Variants in AGBL4 observed in about 807,000 individuals in gnomAD.
AGBL4 encodes the protein cytosolic carboxypeptidase 6.
AGBL4 carries 58 observed loss-of-function variants against 66.4 expected under a neutral mutation model. The ratio of observed to expected loss-of-function variants is 0.87; its 90% CI spans 0.71 to 1.09. AGBL4 has a LOEUF of 1.09. Ranked by LOEUF, AGBL4 falls within the 50% of genes least tolerant of loss-of-function variation. The pLI is 0.00. For synonymous variants in AGBL4, 234 were observed against 222.9 expected, an observed-to-expected ratio of 1.05 and a Z score of -0.44; for missense variants, 579 against 631.0, an observed-to-expected ratio of 0.92 and a Z score of 0.88.
chr1:49,123,746 C>G (rs556820003), intron 4 of AGBL4, among the ~76,000 whole-genome samples: 2 of 152,248 alleles, frequency 1.3e-5, no homozygotes, highest in South Asian at 4.1e-4. Flanking sequence ...CTGTGTTTGT[C>G]CTAAGAAACT....
intron 2 of AGBL4, among the ~76,000 whole-genome samples, chr1:49,817,460 ATCT>A (rs767727224): frequency 1.3e-5 from 2 of 152,178 alleles, no homozygotes; most frequent in Non-Finnish European, 2.9e-5. Context: ...AAAAATAGTC[ATCT>A]TCTTTAAGAT....
At chr1:48,707,365 T>C (rs1338933783) in intron 6 of AGBL4, among the ~76,000 whole-genome samples, 2 of 151,932 alleles carry the variant, frequency 1.3e-5, no homozygotes, top group African/African-American at 4.8e-5. Context: ...TAAGAAGAAA[T>C]TAACCAGCAC....
At chr1:49,166,769 A>G (rs1646642804) in intron 4 of AGBL4, among the ~76,000 whole-genome samples, 2 of 152,282 alleles carry the variant, frequency 1.3e-5, no homozygotes, top group South Asian at 4.1e-4. Flanking sequence ...CTTTTACTTC[A>G]TAATTACATA....
intron 4 of AGBL4, among the ~76,000 whole-genome samples, chr1:49,126,398 C>G (rs543679678): frequency 6.6e-6 from 1 of 152,098 alleles, no homozygotes; most frequent in Non-Finnish European, 1.5e-5. Flanking sequence ...AACAGTCCTA[C>G]AACCTAAAAC....
At chr1:49,870,480 C>T (rs1026947721) in intron 1 of AGBL4, among the ~76,000 whole-genome samples, 5 of 149,714 alleles carry the variant, frequency 3.3e-5, no homozygotes, top group Admixed American at 2.7e-4. Flanking sequence ...TGGATTGAGG[C>T]GATGAGTGCC....
At chr1:49,376,041 A>G (rs530627720) in intron 3 of AGBL4, among the ~76,000 whole-genome samples, 2 of 152,270 alleles carry the variant, frequency 1.3e-5, no homozygotes, top group African/African-American at 4.8e-5. Context: ...CTGCCTGTAT[A>G]TTGTATGAAA....
chr1:49,253,893 T>C (rs1652269141), intron 3 of AGBL4, among the ~76,000 whole-genome samples: 1 of 152,146 alleles, frequency 6.6e-6, no homozygotes, highest in African/African-American at 2.4e-5. Context: ...ATTCATCACA[T>C]AAACTGAATT....
chr1:48,960,599 G>T (rs1162767493), intron 5 of AGBL4, among the ~76,000 whole-genome samples: 1 of 152,178 alleles, frequency 6.6e-6, no homozygotes, highest in African/African-American at 2.4e-5. Flanking sequence ...AGCAAAAGGA[G>T]ACCTGGAAAG....
At chr1:49,865,912 TA>T in intron 1 of AGBL4, 1 of 407,636 alleles carries the variant, frequency 2.5e-6, no homozygotes, top group African/African-American at 2.0e-5. Flanking sequence ...GAGAGGCACA[TA>T]AATGACCTGA....
At chr1:49,272,193 G>A (rs1323153448) in intron 3 of AGBL4, among the ~76,000 whole-genome samples, 1 of 152,100 alleles carries the variant, frequency 6.6e-6, no homozygotes, top group Non-Finnish European at 1.5e-5. Flanking sequence ...CAGTCCCATG[G>A]TGTTTCCCTC....
chr1:49,180,846 G>T (rs956465613), intron 4 of AGBL4, among the ~76,000 whole-genome samples: 4 of 152,206 alleles, frequency 2.6e-5, no homozygotes, highest in Non-Finnish European at 4.4e-5. Context: ...ATAGGAGGTT[G>T]TCAGATTCAA....
chr1:49,924,951 T>C (rs573710001), intron 1 of AGBL4, among the ~76,000 whole-genome samples: 6 of 152,172 alleles, frequency 3.9e-5, no homozygotes, highest in Non-Finnish European at 5.9e-5. Flanking sequence ...TGAAAGGCTG[T>C]CTAGGCCACA....
chr1:48,669,832 C>T (rs1646247617), intron 6 of AGBL4, among the ~76,000 whole-genome samples: 2 of 152,200 alleles, frequency 1.3e-5, no homozygotes, highest in Non-Finnish European at 2.9e-5. Context: ...ACTTCTGAGC[C>T]TCTGGGCCGT....
In AGBL4 at chr1:49,284,514, A is replaced by G. The variant is rs1259140615; in HGVS notation, c.283-38650T>C. 5.3e-5 allele frequency among the ~76,000 whole-genome samples: 8 copies of G among 152,316 alleles called. No homozygotes were observed. In the East Asian group the frequency reaches 1.4e-3, roughly 26 times the overall value. ...TTCATAATGACAGGATCAAATTCACATATAACAATATTAACTTTAAATGTA... is the reference window on the plus strand; with the variant it reads ...TTCATAATGACAGGATCAAATTCACGTATAACAATATTAACTTTAAATGTA... On this transcript the variant is annotated intron_variant, in intron 3 of 13. Coordinates refer to ENST00000371839, the MANE Select transcript of AGBL4 (RefSeq NM_032785.4).
intron 7 of AGBL4, 47 bp from the exon 8 acceptor site, chr1:48,653,498 G>A (rs1645967560): frequency 1.5e-6 from 2 of 1,376,438 alleles, no homozygotes; most frequent in Non-Finnish European, 2.0e-6. Context: ...ATTTCAAGAA[G>A]AAGGAAACAC....
At chr1:49,472,263 A>C (rs1646760731) in intron 3 of AGBL4, among the ~76,000 whole-genome samples, 1 of 151,994 alleles carries the variant, frequency 6.6e-6, no homozygotes, top group African/African-American at 2.4e-5. Context: ...TAATACACAA[A>C]ATGGTCAAGT....
At chr1:49,985,767 TCATTTAATAAGAACAGGTGCAATTATAC>T (rs1659453198) in intron 1 of AGBL4, among the ~76,000 whole-genome samples, 1 of 152,146 alleles carries the variant, frequency 6.6e-6, no homozygotes, top group South Asian at 2.1e-4. Context: ...CTTCTTTGAT[TCATTTAATAAGAACAGGTGCAATTATAC>T]CATATTTTAC....
At chr1:49,903,751 A>C (rs1649999908) in intron 1 of AGBL4, among the ~76,000 whole-genome samples, 1 of 152,178 alleles carries the variant, frequency 6.6e-6, no homozygotes, top group Admixed American at 6.6e-5. Context: ...AAAGTGGAAA[A>C]GTAGAGCTGA....
intron 3 of AGBL4, among the ~76,000 whole-genome samples, chr1:49,421,966 G>A (rs1333663563): frequency 6.6e-6 from 1 of 151,898 alleles, no homozygotes; most frequent in African/African-American, 2.4e-5. Context: ...TTTAAAAATG[G>A]TCCAAGAAAT....
Sources: allele counts gnomAD v4.1 joint callset (sites outside exome capture counted in the v4.1 genomes callset), GRCh38; gene constraint gnomAD v4.1.1; transcripts MANE v1.5; gene names NCBI Gene and HGNC (gene_info 2026-07-23, HGNC 2026-07-21).